The following PLCL1 variants were observed in gnomAD, a reference collection of about 807,000 sequenced individuals.
PLCL1 encodes inactive phospholipase C-like protein 1.
PLCL1 carries 41 observed loss-of-function variants against 84.4 expected under a neutral mutation model. The observed-to-expected ratio is 0.49, with a 90% confidence interval of 0.38 to 0.63. The LOEUF is 0.63. Among genes scored for constraint, PLCL1 ranks in the 30% least tolerant of loss-of-function variants. PLCL1 has a pLI of 0.00. For synonymous variants in PLCL1, 490 were observed against 488.3 expected, an observed-to-expected ratio of 1.00 and a Z score of -0.05; for missense variants, 1,206 against 1,367.8, an observed-to-expected ratio of 0.88 and a Z score of 1.87.
intron 1 of PLCL1, among the ~76,000 whole-genome samples, chr2:198,018,406 G>T (rs1372345504): frequency 6.6e-6 from 1 of 152,172 alleles, no homozygotes; most frequent in East Asian, 1.9e-4. Flanking sequence ...TGGAATAGGG[G>T]CTGAAGCCAG....
intron 1 of PLCL1, among the ~76,000 whole-genome samples, chr2:197,828,986 A>C (rs1016475889): frequency 2.0e-5 from 3 of 152,166 alleles, no homozygotes; most frequent in African/African-American, 7.2e-5. Context: ...GCTCACTAAA[A>C]ATAATGAAAA....
At chr2:197,825,072 T>G (rs1690902275) in intron 1 of PLCL1, among the ~76,000 whole-genome samples, 1 of 152,078 alleles carries the variant, frequency 6.6e-6, no homozygotes, top group South Asian at 2.1e-4. Context: ...TTGCCTTAGG[T>G]GTTTGTCACC....
At chr2:197,910,015 C>T (rs756805964) in intron 1 of PLCL1, among the ~76,000 whole-genome samples, 19 of 152,132 alleles carry the variant, frequency 1.2e-4, no homozygotes, top group Non-Finnish European at 1.8e-4. Flanking sequence ...CAAAGTGTGG[C>T]GCTTTGGTCA....
At chr2:198,088,030 C>T (rs748526982) in intron 2 of PLCL1, among the ~76,000 whole-genome samples, 1 of 152,066 alleles carries the variant, frequency 6.6e-6, no homozygotes, top group Non-Finnish European at 1.5e-5. Flanking sequence ...TTATAAATCC[C>T]TATGTTAGAT....
rs531770410 is a variant in PLCL1 at position 197,834,626 on chromosome 2, G to A, written c.240+29287G>A. ...ACCATCTCACGCCAGTTAGAATGGC[G>A]ATCATTAAAAAGTCAGGAAACAACA... On this transcript the variant is annotated intron_variant, in intron 1 of 5. Transcript: ENST00000428675. 3.4e-4 allele frequency among the ~76,000 whole-genome samples: 52 copies of A among 152,276 alleles called. 1 individual carries two copies. In the South Asian group the frequency reaches 9.5e-3, roughly 28 times the overall value.
intron 1 of PLCL1, among the ~76,000 whole-genome samples, chr2:198,053,917 T>A (rs1692002595): frequency 6.6e-6 from 1 of 152,252 alleles, no homozygotes; most frequent in Admixed American, 6.5e-5. Context: ...ATGATTTCAC[T>A]GCCTTTCCCA....
At chr2:198,044,848 T>C (rs1387597953) in intron 1 of PLCL1, among the ~76,000 whole-genome samples, 1 of 152,176 alleles carries the variant, frequency 6.6e-6, no homozygotes, top group African/African-American at 2.4e-5. Flanking sequence ...CCTACCTCAA[T>C]AGGTCAATTG....
At chr2:197,924,899 A>G (rs1688805532) in intron 1 of PLCL1, among the ~76,000 whole-genome samples, 1 of 152,186 alleles carries the variant, frequency 6.6e-6, no homozygotes, top group South Asian at 2.1e-4. Flanking sequence ...AGAACTGATC[A>G]TAGAATAAAG....
chr2:197,972,878 G>A (rs552939631), intron 1 of PLCL1, among the ~76,000 whole-genome samples: 2 of 152,248 alleles, frequency 1.3e-5, no homozygotes, highest in South Asian at 4.1e-4. Context: ...CTTCCCCATT[G>A]TCCCTTCCAG....
At chr2:197,863,430 G>A (rs1021004682) in intron 1 of PLCL1, among the ~76,000 whole-genome samples, 4 of 151,980 alleles carry the variant, frequency 2.6e-5, no homozygotes, top group Non-Finnish European at 5.9e-5. Flanking sequence ...AAATGTGATC[G>A]ATTATTGCAT....
rs1158019795 is a variant in PLCL1, at chr2:198,084,140, C to G, written c.623C>G (p.Ala208Gly). ...YESLDLVANSADVANIWVSGL... is the reference protein window; with the variant it reads ...YESLDLVANSGDVANIWVSGL... ...TCTCTGGACCTAGTTGCCAATTCAGCAGATGTGGCAAACATCTGGGTGTCT... is the reference window on the plus strand; with the variant it reads ...TCTCTGGACCTAGTTGCCAATTCAGGAGATGTGGCAAACATCTGGGTGTCT... Residue 208 changes from alanine (A) to glycine (G), a missense_variant, in exon 2 of 6, where the codon GCA becomes GGA. Coordinates refer to ENST00000428675, the MANE Select transcript of PLCL1 (RefSeq NM_006226.4). 1 of 1,614,000 alleles carries G rather than the reference C, an allele frequency of 6.2e-7. No individual in the cohort carries two copies. Among genetic ancestry groups the G allele is most frequent in the African/African-American group, 1.3e-5 (1 of 74,916 alleles).
chr2:198,099,304 A>G (rs1250785671), intron 3 of PLCL1, among the ~76,000 whole-genome samples: 1 of 152,026 alleles, frequency 6.6e-6, no homozygotes, highest in African/African-American at 2.4e-5. Context: ...GTGAAACTCA[A>G]ATCGACCATT....
intron 1 of PLCL1, among the ~76,000 whole-genome samples, chr2:198,025,619 A>T (rs1174354591): frequency 2.0e-5 from 3 of 152,122 alleles, no homozygotes; most frequent in Non-Finnish European, 1.5e-5. Flanking sequence ...ACAGAAATCA[A>T]TTTTTTGTGT....
chr2:198,110,101 G>A (rs1023867579), intron 5 of PLCL1, among the ~76,000 whole-genome samples: 2 of 151,638 alleles, frequency 1.3e-5, no homozygotes, highest in African/African-American at 4.8e-5. Flanking sequence ...AATAAAAAAT[G>A]AATATAACTA....
chr2:198,029,735 C>CA (rs1460112698), intron 1 of PLCL1, among the ~76,000 whole-genome samples: 4 of 151,518 alleles, frequency 2.6e-5, no homozygotes, highest in East Asian at 1.9e-4. Flanking sequence ...GAGACAGTCT[C>CA]AAAAAAAGAG....
chr2:197,922,620 G>A (rs1688726460), intron 1 of PLCL1, among the ~76,000 whole-genome samples: 1 of 141,662 alleles, frequency 7.1e-6, no homozygotes, highest in African/African-American at 2.6e-5. Context: ...CTCCCGGACG[G>A]GGCGGCTGGC....
chr2:198,055,976 G>T (rs1004262526), intron 1 of PLCL1, among the ~76,000 whole-genome samples: 6 of 152,092 alleles, frequency 3.9e-5, no homozygotes, highest in Admixed American at 3.3e-4. Flanking sequence ...CAGGTTCCAA[G>T]TAGGAAAGAA....
intron 5 of PLCL1, among the ~76,000 whole-genome samples, chr2:198,137,241 GTGAACCTGGGCAA>G (rs971955228): frequency 4.6e-5 from 7 of 152,154 alleles, no homozygotes; most frequent in Non-Finnish European, 1.0e-4. Flanking sequence ...TATTTCTCGT[GTGAACCTGGGCAA>G]TGTATTTTTT....
At chr2:198,127,712 G>A (rs1694020967) in intron 5 of PLCL1, among the ~76,000 whole-genome samples, 1 of 152,274 alleles carries the variant, frequency 6.6e-6, no homozygotes, top group Admixed American at 6.5e-5. Context: ...TGCTTAGAAT[G>A]ACTTAGGTGC....
Sources: gnomAD v4.1 joint callset for allele counts (sites outside exome capture counted in the v4.1 genomes callset) on GRCh38, gnomAD v4.1.1 for gene constraint, MANE v1.5 for transcripts, NCBI Gene and HGNC (gene_info 2026-07-23, HGNC 2026-07-21) for gene names.